COL11A1: variants seen among roughly 807,000 people sequenced by gnomAD.
COL11A1 encodes the protein collagen type XI alpha 1 chain.
A neutral mutation model predicts 265.2 loss-of-function variants in COL11A1; 74 were observed. The ratio of observed to expected loss-of-function variants is 0.28; its 90% CI spans 0.23 to 0.34. The LOEUF (loss-of-function observed/expected upper bound fraction) is 0.34. Among genes scored for constraint, COL11A1 ranks in the 10% least tolerant of loss-of-function variants. COL11A1 has a pLI of 1.00. For missense variants in COL11A1, 2,165 were observed against 2,263.6 expected, an observed-to-expected ratio of 0.96 and a Z score of 0.88; for synonymous variants, 816 against 727.6, an observed-to-expected ratio of 1.12 and a Z score of -1.96.
Position 103,021,379 on chromosome 1 carries a change from A to C in COL11A1, c.1308+328T>G, listed in dbSNP as rs149080446. 2.0e-5 allele frequency among the ~76,000 whole-genome samples: 3 copies of C among 152,248 alleles called. No individual in the cohort carries two copies. In the East Asian group the frequency reaches 5.8e-4, roughly 29 times the overall value. ...AAGTAGGAAAGCTAAAAGTCCTATT[A>C]TATCTCATTGATCAAACATTTGATA... On this transcript the variant is annotated intron_variant, in intron 9 of 66. Coordinates refer to ENST00000370096, the MANE Select transcript of COL11A1 (RefSeq NM_001854.4).
At chr1:102,951,951 A>G (rs1246988897) in intron 41 of COL11A1, among the ~76,000 whole-genome samples, 1 of 152,112 alleles carries the variant, frequency 6.6e-6, no homozygotes, top group African/African-American at 2.4e-5. Context: ...CATGGCTTTT[A>G]CTTATGAAAA....
chr1:102,916,374 A>G (rs1418366148), intron 49 of COL11A1, among the ~76,000 whole-genome samples: 1 of 152,126 alleles, frequency 6.6e-6, no homozygotes, highest in Non-Finnish European at 1.5e-5. Flanking sequence ...AATGCCCCAC[A>G]ATTCAAAATG....
intron 2 of COL11A1, among the ~76,000 whole-genome samples, chr1:103,080,063 C>G (rs1055177323): frequency 1.3e-5 from 2 of 148,852 alleles, no homozygotes; most frequent in African/African-American, 4.9e-5. Context: ...ATGATTGAAA[C>G]TGATTAAATA....
intron 4 of COL11A1, among the ~76,000 whole-genome samples, chr1:103,055,378 T>G (rs981877698): frequency 1.3e-5 from 2 of 152,206 alleles, no homozygotes; most frequent in African/African-American, 4.8e-5. Context: ...TTCTACACAT[T>G]TACAAAGATA....
intron 47 of COL11A1, among the ~76,000 whole-genome samples, chr1:102,922,381 C>T (rs1485158763): frequency 6.6e-6 from 1 of 152,032 alleles, no homozygotes; most frequent in Non-Finnish European, 1.5e-5. Flanking sequence ...GAAGTATTAA[C>T]CAGTTATTTG....
intron 41 of COL11A1, 35 bp downstream of exon 41, chr1:102,961,831 A>C: frequency 6.3e-7 from 1 of 1,592,358 alleles, no homozygotes; most frequent in Non-Finnish European, 8.6e-7. Context: ...ATTCACAACC[A>C]TGATTGTCTG....
chr1:102,904,440 C>G (rs1446869701), intron 54 of COL11A1, among the ~76,000 whole-genome samples: 1 of 152,048 alleles, frequency 6.6e-6, no homozygotes, highest in African/African-American at 2.4e-5. Flanking sequence ...AACAGGCAAC[C>G]TACAGAATGG....
At chr1:102,889,112 T>C (rs926293996) in intron 59 of COL11A1, among the ~76,000 whole-genome samples, 193 bp from the exon 60 acceptor site, 1 of 152,324 alleles carries the variant, frequency 6.6e-6, no homozygotes, top group African/African-American at 2.4e-5. Flanking sequence ...GGATTTTTCC[T>C]ATGTTGCTAC....
intron 4 of COL11A1, among the ~76,000 whole-genome samples, chr1:103,050,318 C>A (rs1453649562): frequency 6.6e-6 from 1 of 152,072 alleles, no homozygotes; most frequent in Non-Finnish European, 1.5e-5. Flanking sequence ...TCTTTTTTCT[C>A]TAAACTTCTC....
intron 44 of COL11A1, among the ~76,000 whole-genome samples, chr1:102,937,074 A>T (rs1332930762): frequency 6.6e-6 from 1 of 152,156 alleles, no homozygotes; most frequent in South Asian, 2.1e-4. Flanking sequence ...TATTTGCAAA[A>T]ATATAGCTAG....
chr1:103,018,172 T>G (rs1417472107), intron 10 of COL11A1, among the ~76,000 whole-genome samples: 1 of 152,062 alleles, frequency 6.6e-6, no homozygotes, highest in Non-Finnish European at 1.5e-5. Context: ...ACTGAAGAAA[T>G]GGAACACTCA....
chr1:102,880,862 A>C lies in COL11A1; in HGVS notation c.5040+835T>G, dbSNP rs537502635. On this transcript the variant is annotated intron_variant, in intron 65 of 66. Transcript: ENST00000370096. ...AAAATCTACTGGGAAAATTCAATCC[A>C]CACACATAGAGTTCTATCTGTATAT... Among the ~76,000 whole-genome samples, 1,062 of 152,162 alleles carry C rather than the reference A, an allele frequency of 7.0e-3. 13 individuals carry two copies. The highest frequency in any genetic ancestry group is 0.024 in the African/African-American group (1,009 of 41,558).
intron 57 of COL11A1, among the ~76,000 whole-genome samples, chr1:102,894,082 G>T (rs1652091986): frequency 6.6e-6 from 1 of 152,068 alleles, no homozygotes; most frequent in Admixed American, 6.6e-5. Flanking sequence ...AGTCTTAAAA[G>T]AATACAAAAC....
intron 54 of COL11A1, among the ~76,000 whole-genome samples, chr1:102,903,430 C>T (rs6702061): frequency 0.053 from 7,967 of 151,606 alleles, 774 homozygotes; most frequent in African/African-American, 0.18. Flanking sequence ...TTGCTACTTC[C>T]GCCATAAGAT....
chr1:103,084,042 A>G (rs1275555470), intron 1 of COL11A1, among the ~76,000 whole-genome samples: 1 of 152,190 alleles, frequency 6.6e-6, no homozygotes, highest in Admixed American at 6.5e-5. Context: ...ACTTAAAAGC[A>G]AACAGTGGTT....
At position 102,994,768 on chromosome 1, in the gene COL11A1, G is replaced by A. The variant is rs893936890; in HGVS notation, c.2340+1096C>T. ...AGAATTAATTCAATACTGATTCTGAGTGTATTAGTCCGCTTTTACATTGCT... is the reference window on the plus strand; with the variant it reads ...AGAATTAATTCAATACTGATTCTGAATGTATTAGTCCGCTTTTACATTGCT... On this transcript the variant is annotated intron_variant, in intron 28 of 66. Transcript: ENST00000370096. 2.0e-4 allele frequency among the ~76,000 whole-genome samples: 30 copies of A among 151,988 alleles called. 1 individual carries two copies. The highest frequency in any genetic ancestry group is 3.2e-3 in the Middle Eastern group (1 of 316).
chr1:102,901,333 A>AG (rs1440039006), intron 54 of COL11A1, among the ~76,000 whole-genome samples: 1 of 151,988 alleles, frequency 6.6e-6, no homozygotes, highest in East Asian at 1.9e-4. Context: ...AAAAAAAAAA[A>AG]AAAACTGAGG....
At chr1:103,073,318 A>G (rs1279679845) in intron 4 of COL11A1, among the ~76,000 whole-genome samples, 1 of 151,886 alleles carries the variant, frequency 6.6e-6, no homozygotes, top group Non-Finnish European at 1.5e-5. Flanking sequence ...GGGTTACAAA[A>G]ATAAATTATA....
At chr1:103,012,566 G>A in intron 13 of COL11A1, 97 bp from the exon 14 acceptor site, 2 of 853,776 alleles carry the variant, frequency 2.3e-6, no homozygotes, top group African/African-American at 1.7e-5. Flanking sequence ...AGTAATACAT[G>A]ATCAACACAG....
Sources: gnomAD v4.1 joint callset for allele counts (sites outside exome capture counted in the v4.1 genomes callset) on GRCh38, gnomAD v4.1.1 for gene constraint, MANE v1.5 for transcripts, NCBI Gene and HGNC (gene_info 2026-07-23, HGNC 2026-07-21) for gene names.